The following NTMT1 variants were observed in gnomAD, a reference collection of about 807,000 sequenced individuals.
NTMT1 encodes the protein N-terminal Xaa-Pro-Lys N-methyltransferase 1.
In NTMT1, 8 loss-of-function variants were observed where a neutral mutation model predicts 17.5. The ratio of observed to expected loss-of-function variants is 0.46; its 90% CI spans 0.27 to 0.82. The LOEUF is 0.82. Ranked by LOEUF, NTMT1 falls within the 40% of genes least tolerant of loss-of-function variation. The pLI, the probability that NTMT1 is intolerant of heterozygous loss-of-function variation, is 0.15. For missense variants in NTMT1, 221 were observed against 303.5 expected, an observed-to-expected ratio of 0.73 and a Z score of 2.02; for synonymous variants, 128 against 126.8, an observed-to-expected ratio of 1.01 and a Z score of -0.06.
Position 129,620,107 on chromosome 9 carries a change from G to A in NTMT1, c.-55+10929G>A, listed in dbSNP as rs1290456109. 3.4e-6 allele frequency: 5 copies of A among 1,451,572 alleles called. No individual in the cohort carries two copies. The African/African-American group carries it at 4.3e-5, about 13-fold the overall frequency. The allele number at this position is 1,451,572 out of a possible 1,614,324, so 89.9% of individuals were successfully genotyped here. A position where few individuals can be genotyped will look rare whatever the true frequency, so the allele number is the denominator to read the frequency against. On this transcript the variant is annotated intron_variant, in intron 1 of 3. Coordinates refer to the NTMT1 transcript ENST00000372486. The surrounding 1 kb of genome is among the most constrained non-coding windows in gnomAD (Gnocchi z 5.8). Reference sequence around the variant, plus strand: ...CCTCGGCGCACTTCTCCTGGAGCTGGTGCAGGAACTCACGGAACCTGCTGG... The same window carrying A: ...CCTCGGCGCACTTCTCCTGGAGCTGATGCAGGAACTCACGGAACCTGCTGG...
Position 129,635,341 on chromosome 9 carries a change from G to A in NTMT1, c.549G>A (p.Val183=), listed in dbSNP as rs746156795. ...TTCTGGACGACGTGGACAGCAGCGT[G>A]TGCCGGGACCTTGACGTGGTCCGCA... ...GVILDDVDSS[V]CRDLDVVRRI... The change falls in exon 4 of 4, where the codon GTG becomes GTA. Residue 183 remains valine (V), a synonymous_variant. Transcript: ENST00000372483. The A allele has an allele frequency of 1.2e-6, 2 of 1,613,874 alleles. No homozygotes were observed. Among genetic ancestry groups the A allele is most frequent in the Admixed American group, 1.7e-5 (1 of 60,024 alleles).
chr9:129,617,270 C>T lies in NTMT1; in HGVS notation c.-55+8092C>T, dbSNP rs572788762. Among the ~76,000 whole-genome samples the T allele has an allele frequency of 1.2e-4, 19 of 152,318 alleles. No homozygotes were observed. The South Asian group carries it at 3.3e-3, about 27-fold the overall frequency. ...TTTCATCAGCCTCCAAAGAGCCAAG[C>T]AGTTGGGAGGTGTCAGGACAGTGCC... On this transcript the variant is annotated intron_variant, in intron 1 of 3. Transcript: ENST00000372486.
In NTMT1 at chr9:129,617,431, G is replaced by T. The variant is rs377451327; in HGVS notation, c.-55+8253G>T. Among the ~76,000 whole-genome samples, 9 of 152,146 alleles carry T rather than the reference G, an allele frequency of 5.9e-5. No individual in the cohort carries two copies. The East Asian group carries it at 1.7e-3, about 29-fold the overall frequency. On this transcript the variant is annotated intron_variant, in intron 1 of 3. Transcript: ENST00000372486. ...TGAAATCTCAGCATCTTCACTCGAG[G>T]GCCACTGGAGCCTGTTCTGAGGCAC... is the stretch of plus-strand genomic sequence containing the variant.
In NTMT1 at chr9:129,632,667, A is replaced by G. The variant is rs1831231064; in HGVS notation, c.-37A>G. On this transcript the variant is annotated 5_prime_UTR_variant, in exon 2 of 4. Transcript: ENST00000372483. ...TTACCCAGGAGAGTCGCGGTTGCTG[A>G]TCGTGGTGCTTGAGTAGAGCCGTGG... 4.3e-6 allele frequency: 7 copies of G among 1,609,240 alleles called. No homozygotes were observed. The highest frequency in any genetic ancestry group is 1.3e-5 in the African/African-American group (1 of 74,826).
In NTMT1 at chr9:129,635,440, T is replaced by C. The variant is rs186769206; in HGVS notation, c.648T>C (p.His216=). 22 of 1,612,840 alleles carry C rather than the reference T, an allele frequency of 1.4e-5. No homozygotes were observed. The Admixed American group carries it at 2.0e-4, about 15-fold the overall frequency. The change falls in exon 4 of 4, where the codon CAT becomes CAC. Residue 216 remains histidine, a synonymous_variant. Coordinates refer to ENST00000372483, the MANE Select transcript of NTMT1 (RefSeq NM_014064.4). ...AGAACCTCCCCGATGAGATCTACCA[T>C]GTCTATAGCTTTGCCCTGAGATGAG... ...RQENLPDEIY[H]VYSFALR is the part of the protein sequence containing the mutation.
intron 1 of NTMT1, among the ~76,000 whole-genome samples, chr9:129,616,735 A>G (rs1235064735): frequency 2.0e-5 from 3 of 152,196 alleles, no homozygotes; most frequent in African/African-American, 7.2e-5. Flanking sequence ...AATCAAGGGT[A>G]TCTGTTATAT....
In NTMT1 at chr9:129,629,786, T is replaced by A. The variant is rs970650020; in HGVS notation, c.-54-2864T>A. Among the ~76,000 whole-genome samples the A allele has an allele frequency of 2.0e-3, 306 of 152,334 alleles. 6 individuals are homozygous for A. The highest frequency in any genetic ancestry group is 3.5e-4 in the Non-Finnish European group (24 of 68,038). Reference sequence around the variant, plus strand: ...CGTGAACAGTAAAGTGAGGGGTCAGTCTGCGAGCGGATTCAAGAATCTGAA... The same window carrying A: ...CGTGAACAGTAAAGTGAGGGGTCAGACTGCGAGCGGATTCAAGAATCTGAA... On this transcript the variant is annotated intron_variant, in intron 1 of 3. Coordinates refer to ENST00000372483, the MANE Select transcript of NTMT1 (RefSeq NM_014064.4).
In NTMT1 at chr9:129,614,883, C is replaced by T. The variant is rs560307256; in HGVS notation, c.-55+5705C>T. Among the ~76,000 whole-genome samples the T allele has an allele frequency of 7.0e-3, 1,061 of 151,776 alleles. 35 individuals carry two copies. Among genetic ancestry groups the T allele is most frequent in the Admixed American group, 0.042 (647 of 15,228 alleles). On this transcript the variant is annotated intron_variant, in intron 1 of 3. Coordinates refer to the NTMT1 transcript ENST00000372486. The surrounding 1 kb of genome is among the most constrained non-coding windows in gnomAD (Gnocchi z 4.4). Reference sequence around the variant, plus strand: ...CGCCACTGCACTCCAGCCTGGGCGACAGAGTGAGACTCCGTATCAGAAAAA... The same window carrying T: ...CGCCACTGCACTCCAGCCTGGGCGATAGAGTGAGACTCCGTATCAGAAAAA...
chr9:129,628,856 G>A (rs1481720483), intron 1 of NTMT1: 1 of 152,250 alleles, frequency 6.6e-6, no homozygotes, highest in Non-Finnish European at 1.5e-5. Flanking sequence ...TCCCCGGCCA[G>A]GCGAGAGAGA....
chr9:129,619,927 G>C, intron 1 of NTMT1: 3 of 1,505,666 alleles, frequency 2.0e-6, no homozygotes, highest in African/African-American at 1.4e-5. Context: ...CTCAAGGACG[G>C]GTTGCGAGGG....
At chr9:129,631,919 G>A (rs1044594433) in intron 1 of NTMT1, among the ~76,000 whole-genome samples, 40 of 152,280 alleles carry the variant, frequency 2.6e-4, no homozygotes, top group African/African-American at 9.1e-4. Flanking sequence ...CTGCCTGGCT[G>A]GCTGCCTGGT....
At chr9:129,635,151 C>T (rs1831458461) in intron 3 of NTMT1, 57 bp from the exon 4 acceptor site, 1 of 1,565,674 alleles carries the variant, frequency 6.4e-7, no homozygotes, top group Middle Eastern at 1.9e-4. Context: ...TACATCCCAT[C>T]CAGTGCCGAC....
Position 129,632,718 on chromosome 9 carries a change from G to A in NTMT1, c.15G>A (p.Val5=). 6.2e-7 allele frequency: 1 copy of A among 1,614,110 alleles called. No individual in the cohort carries two copies. Among genetic ancestry groups the A allele is most frequent in the Non-Finnish European group, 8.5e-7 (1 of 1,179,990 alleles). Residue 5 remains valine (V), a synonymous_variant, in exon 2 of 4, where the codon GTG becomes GTA. Transcript: ENST00000372483. The part of the protein sequence containing the change: MTSE[V]IEDEKQFYSK... ...TTGGTGACAGCATGACGAGCGAGGT[G>A]ATAGAAGACGAGAAGCAATTCTATT... is the stretch of plus-strand genomic sequence containing the variant.
chr9:129,615,513 G>T (rs759914443), intron 1 of NTMT1: 3 of 1,608,204 alleles, frequency 1.9e-6, no homozygotes, highest in Non-Finnish European at 2.5e-6. Context: ...GTAGCGGAGC[G>T]TTGTGTCCTG....
upstream of NTMT1, among the ~76,000 whole-genome samples, chr9:129,623,345 A>AGAAG (rs71385444): frequency 6.8e-4 from 97 of 142,590 alleles, 2 homozygotes; most frequent in African/African-American, 7.0e-4. Flanking sequence ...AAAAAAAAAA[A>AGAAG]GAAGGAAGGA....
At chr9:129,635,164 C>G (rs1564350832) in intron 3 of NTMT1, 44 bp from the exon 4 acceptor site, 5 of 1,580,168 alleles carry the variant, frequency 3.2e-6, no homozygotes, top group Non-Finnish European at 4.3e-6. Context: ...GTGCCGACAT[C>G]CGCTTGCATG....
chr9:129,629,661 A>G (rs555481119), intron 1 of NTMT1, among the ~76,000 whole-genome samples: 1 of 152,244 alleles, frequency 6.6e-6, no homozygotes, highest in East Asian at 1.9e-4. Context: ...TGTTATGTGC[A>G]ATATTTAGAA....
chr9:129,610,614 G>C (rs577493601), intron 1 of NTMT1, among the ~76,000 whole-genome samples: 7 of 151,898 alleles, frequency 4.6e-5, no homozygotes, highest in Admixed American at 1.3e-4. Context: ...GGGCGGGCGC[G>C]AGCGCCGCGC....
chr9:129,632,760 C>A lies in NTMT1; in HGVS notation c.57C>A (p.Tyr19Ter), dbSNP rs1227246012. The change falls in exon 2 of 4, where the codon TAC (tyrosine) becomes TAA (stop). Residue 19 changes from tyrosine (Y) to a stop codon, truncating the protein, a stop_gained. Coordinates refer to ENST00000372483, the MANE Select transcript of NTMT1 (RefSeq NM_014064.4). LOFTEE classifies it high-confidence loss of function. Reference sequence around the variant, plus strand: ...AATTCTATTCCAAGGCCAAGACCTACTGGAAACAAATCCCACCCACGGTGG... The same window carrying A: ...AATTCTATTCCAAGGCCAAGACCTAATGGAAACAAATCCCACCCACGGTGG... ...EKQFYSKAKT[Y>*]WKQIPPTVDG... 6.2e-7 allele frequency: 1 copy of A among 1,614,084 alleles called. No homozygotes were observed. Among genetic ancestry groups the A allele is most frequent in the African/African-American group, 1.3e-5 (1 of 74,936 alleles).
Sources: allele counts gnomAD v4.1 joint callset (sites outside exome capture counted in the v4.1 genomes callset), GRCh38; gene constraint gnomAD v4.1.1; non-coding constraint Gnocchi (gnomAD v3.1); transcripts MANE v1.5; gene names NCBI Gene and HGNC (gene_info 2026-07-23, HGNC 2026-07-21).